The following CSMD3 variants were observed in gnomAD, a reference collection of about 807,000 sequenced individuals.
CSMD3 encodes CUB and Sushi multiple domains 3.
In CSMD3, 177 loss-of-function variants were observed where a neutral mutation model predicts 435.2. The ratio of observed to expected loss-of-function variants is 0.41; its 90% confidence interval spans 0.36 to 0.46. The LOEUF (loss-of-function observed/expected upper bound fraction) is 0.46. Among genes scored for constraint, CSMD3 ranks in the 20% least tolerant of loss-of-function variants. CSMD3 has a pLI of 0.34. For missense variants in CSMD3, 4,265 were observed against 4,504.6 expected (o/e 0.95, Z 1.52); for synonymous variants, 1,656 against 1,520.5 (o/e 1.09, Z -2.07).
chr8:112,619,256 T>C (rs1411538033), intron 22 of CSMD3, among the ~76,000 whole-genome samples: 1 of 151,938 alleles, frequency 6.6e-6, no homozygotes, highest in African/African-American at 2.4e-5. Flanking sequence ...AGGTAAACTA[T>C]ATTTCTTCCT....
rs549007786 is a variant in CSMD3 at position 112,354,724 on chromosome 8, C to T, written c.6137-2190G>A. 2.6e-5 allele frequency among the ~76,000 whole-genome samples: 4 copies of T among 152,264 alleles called. No homozygotes were observed. The East Asian group carries it at 7.7e-4, about 29-fold the overall frequency. ...ATGACAAAAACAATGGGAAAACATT[C>T]CATGCTCATGAATTGGAAGAATCAA... On this transcript the variant is annotated intron_variant, in intron 38 of 70. Transcript: ENST00000297405.
intron 3 of CSMD3, among the ~76,000 whole-genome samples, chr8:113,265,777 A>C (rs1424734466): frequency 1.3e-5 from 2 of 151,622 alleles, no homozygotes; most frequent in Non-Finnish European, 3.0e-5. Flanking sequence ...CTCATGATTT[A>C]GCTAAAAAGT....
rs2075528349 is a variant in CSMD3, at chr8:112,666,462, TC to T, written c.2678-48del. On this transcript the variant is annotated intron_variant, in intron 16 of 70. Coordinates refer to ENST00000297405, the MANE Select transcript of CSMD3 (RefSeq NM_198123.2). ...GTAAGAATAAAACATTCAAGATAAA[TC>T]GCAGATATTATTCTTAATACAAACA... is the stretch of plus-strand genomic sequence containing the variant. The T allele has an allele frequency of 2.6e-6, 4 of 1,541,184 alleles. No homozygotes were observed. In the African/African-American group the frequency reaches 5.5e-5, roughly 21 times the overall value.
At chr8:112,654,327 A>C (rs2131649391) in intron 18 of CSMD3, among the ~76,000 whole-genome samples, 1 of 152,348 alleles carries the variant, frequency 6.6e-6, no homozygotes, top group African/African-American at 2.4e-5. Flanking sequence ...TTGATAAGAA[A>C]GGATTTATGA....
At chr8:112,775,347 C>T (rs2132218262) in intron 13 of CSMD3, among the ~76,000 whole-genome samples, 1 of 151,722 alleles carries the variant, frequency 6.6e-6, no homozygotes, top group Non-Finnish European at 1.5e-5. Flanking sequence ...TAGCATAAAT[C>T]CAAAAACTAG....
rs549183784 is a variant in CSMD3, at chr8:112,741,673, T to C, written c.1973-51623A>G. Among the ~76,000 whole-genome samples the C allele has an allele frequency of 2.8e-4, 42 of 151,916 alleles. 1 individual carries two copies. The highest frequency in any genetic ancestry group is 1.0e-3 in the African/African-American group (42 of 41,484). On this transcript the variant is annotated intron_variant, in intron 13 of 70. Transcript: ENST00000297405. ...TTAAAAATTATGTTGACAAGATACA[T>C]CTCATGTTATCTGTTCTTACCACAA...
intron 4 of CSMD3, among the ~76,000 whole-genome samples, chr8:113,158,756 A>G (rs965329780): frequency 6.6e-5 from 10 of 152,052 alleles, no homozygotes; most frequent in Middle Eastern, 6.8e-3. Context: ...GTATATGTGT[A>G]TATATACAGA....
chr8:112,767,790 C>G (rs1255225969), intron 13 of CSMD3, among the ~76,000 whole-genome samples: 3 of 151,750 alleles, frequency 2.0e-5, no homozygotes, highest in Admixed American at 2.0e-4. Context: ...TCATAAATGA[C>G]CTTGCTGTTT....
chr8:113,352,177 T>C (rs2094194411), intron 1 of CSMD3, among the ~76,000 whole-genome samples: 1 of 152,130 alleles, frequency 6.6e-6, no homozygotes, highest in Non-Finnish European at 1.5e-5. Context: ...GGAATTAGTT[T>C]ATTTTCAGAT....
intron 37 of CSMD3, among the ~76,000 whole-genome samples, chr8:112,382,911 G>C (rs1457694006): frequency 1.3e-5 from 2 of 152,046 alleles, no homozygotes; most frequent in Non-Finnish European, 2.9e-5. Context: ...GAATCGCTTG[G>C]ACCCAGGAGG....
intron 4 of CSMD3, among the ~76,000 whole-genome samples, chr8:113,099,652 A>T (rs1295689876): frequency 6.6e-6 from 1 of 152,104 alleles, no homozygotes; most frequent in Admixed American, 6.6e-5. Flanking sequence ...GACTAACCTT[A>T]CATTTGGAAC....
intron 23 of CSMD3, among the ~76,000 whole-genome samples, chr8:112,574,393 T>C (rs1829778043): frequency 6.6e-6 from 1 of 151,956 alleles, no homozygotes; most frequent in South Asian, 2.1e-4. Flanking sequence ...TGAACTCAAG[T>C]TTTTGCCACT....
At chr8:112,887,019 G>C (rs1371551778) in intron 10 of CSMD3, among the ~76,000 whole-genome samples, 1 of 151,332 alleles carries the variant, frequency 6.6e-6, no homozygotes, top group East Asian at 2.0e-4. Flanking sequence ...CCAAATCTTG[G>C]CTCTACTTTC....
Position 113,423,034 on chromosome 8 carries a change from T to C in CSMD3, c.178+13643A>G, listed in dbSNP as rs534131753. Among the ~76,000 whole-genome samples the C allele has an allele frequency of 1.5e-4, 23 of 152,184 alleles. No homozygotes were observed. In the South Asian group the frequency reaches 4.8e-3, roughly 32 times the overall value. ...ACTTATGTTTCATATACATAATATA[T>C]AAATAGCCTGAATATAATTGTTTAA... On this transcript the variant is annotated intron_variant, in intron 1 of 70. Transcript: ENST00000297405.
intron 32 of CSMD3, among the ~76,000 whole-genome samples, chr8:112,448,766 A>C (rs867782408): frequency 1.2e-4 from 18 of 151,738 alleles, no homozygotes; most frequent in South Asian, 4.2e-4. Flanking sequence ...AAAAAAAAAA[A>C]AAAAAAAAAA....
At chr8:112,863,481 G>T (rs1384768536) in intron 10 of CSMD3, among the ~76,000 whole-genome samples, 1 of 151,798 alleles carries the variant, frequency 6.6e-6, no homozygotes, top group Non-Finnish European at 1.5e-5. Context: ...ATGTATCTGA[G>T]CCTTTTTCTT....
intron 2 of CSMD3, among the ~76,000 whole-genome samples, chr8:113,288,495 C>A (rs1414623999): frequency 6.6e-6 from 1 of 151,888 alleles, no homozygotes; most frequent in Non-Finnish European, 1.5e-5. Flanking sequence ...ATACTTCAAA[C>A]CTTCTATAAT....
At chr8:113,428,558 T>C (rs192169351) in intron 1 of CSMD3, among the ~76,000 whole-genome samples, 1 of 151,884 alleles carries the variant, frequency 6.6e-6, no homozygotes, top group Non-Finnish European at 1.5e-5. Flanking sequence ...CAAAGATACT[T>C]ATTAGAATTC....
At chr8:112,226,180 G>T (rs1049414964) in intron 70 of CSMD3, among the ~76,000 whole-genome samples, 4 of 151,984 alleles carry the variant, frequency 2.6e-5, no homozygotes, top group Middle Eastern at 3.2e-3. Context: ...AATTGTAAAA[G>T]AAACTATCTT....
Sources: gnomAD v4.1 joint callset for allele counts (sites outside exome capture counted in the v4.1 genomes callset) on GRCh38, gnomAD v4.1.1 for gene constraint, MANE v1.5 for transcripts, NCBI Gene and HGNC (gene_info 2026-07-23, HGNC 2026-07-21) for gene names.